The following PCDHA1 variants were observed in gnomAD, a reference collection of about 807,000 sequenced individuals.
PCDHA1 encodes protocadherin alpha 1.
A neutral mutation model predicts 61.3 loss-of-function variants in PCDHA1; 42 were observed. The ratio of observed to expected loss-of-function variants is 0.69; its 90% CI spans 0.54 to 0.89. The LOEUF is 0.89. Among genes scored for constraint, PCDHA1 ranks in the 40% least tolerant of loss-of-function variants. The probability of loss-of-function intolerance (pLI) is 0.00; values close to 1 mark genes in which losing one functional copy is unlikely to be tolerated. For missense variants in PCDHA1, 1,256 were observed against 1,235.3 expected (o/e 1.02, Z -0.25); for synonymous variants, 610 against 553.8 (o/e 1.10, Z -1.43).
At position 141,010,922 on chromosome 5, in the gene PCDHA1, A is replaced by G. The variant is rs1263879494; in HGVS notation, c.*985A>G. The G allele has an allele frequency of 5.2e-5, 8 of 153,814 alleles. No homozygotes were observed. Among genetic ancestry groups the G allele is most frequent in the African/African-American group, 1.9e-4 (8 of 41,474 alleles). The allele number at this position is 153,814 out of a possible 1,614,324, so 9.5% of individuals were successfully genotyped here. A position where few individuals can be genotyped will look rare whatever the true frequency, so the allele number is the denominator to read the frequency against. ...TTCCCCTAAACTCTCCTCAAAAGAG[A>G]ATTCAGTCTACAGCCATTTAAATGA... On this transcript the variant is annotated 3_prime_UTR_variant, in exon 4 of 4. Transcript: ENST00000504120.
chr5:140,950,278 G>A (rs2094467824), intron 1 of PCDHA1, among the ~76,000 whole-genome samples: 1 of 151,868 alleles, frequency 6.6e-6, no homozygotes, highest in African/African-American at 2.4e-5. Context: ...ATGTCTTTTT[G>A]CTTCAACCTG....
intron 1 of PCDHA1, chr5:140,848,644 A>C: frequency 6.3e-7 from 1 of 1,593,184 alleles, no homozygotes; most frequent in Non-Finnish European, 8.6e-7. Flanking sequence ...CGCATCGCGC[A>C]GGACCTGGGG....
chr5:140,873,878 C>T (rs926010571), intron 1 of PCDHA1, among the ~76,000 whole-genome samples: 2 of 152,196 alleles, frequency 1.3e-5, no homozygotes, highest in African/African-American at 4.8e-5. Context: ...CCAGGCTGGT[C>T]TTGAACTCCT....
intron 1 of PCDHA1, among the ~76,000 whole-genome samples, chr5:140,827,069 GC>G (rs1769168909): frequency 6.6e-6 from 1 of 152,160 alleles, no homozygotes; most frequent in Non-Finnish European, 1.5e-5. Context: ...CTCATGCCTT[GC>G]TATTTAACAA....
chr5:140,803,158 A>G, intron 1 of PCDHA1: 2 of 1,613,890 alleles, frequency 1.2e-6, no homozygotes, highest in South Asian at 1.1e-5. Context: ...GTGAAGGACC[A>G]CGGTGAACCC....
chr5:141,005,701 C>CAAAAAAA (rs59860837), intron 3 of PCDHA1, among the ~76,000 whole-genome samples: 5 of 7,784 alleles, frequency 6.4e-4, no homozygotes, highest in African/African-American at 9.3e-4. Context: ...AACTCCGTCT[C>CAAAAAAA]AAAAAAAAAA....
At chr5:140,882,210 C>G in intron 1 of PCDHA1, 3 of 1,533,604 alleles carry the variant, frequency 2.0e-6, no homozygotes, top group Admixed American at 2.1e-5. Flanking sequence ...CCTTGAGAGA[C>G]AGTTTGAGGT....
chr5:140,986,401 C>T (rs782437347), intron 3 of PCDHA1, among the ~76,000 whole-genome samples: 1 of 152,172 alleles, frequency 6.6e-6, no homozygotes. Context: ...GCCAGTCGCT[C>T]ATGTTACAGC....
At chr5:140,927,153 C>T in intron 1 of PCDHA1, 1 of 1,614,190 alleles carries the variant, frequency 6.2e-7, no homozygotes, top group Non-Finnish European at 8.5e-7. Context: ...AACAGCTGTG[C>T]AGGGCCAAAG....
At chr5:140,822,742 GA>G in intron 1 of PCDHA1, 1 of 1,613,740 alleles carries the variant, frequency 6.2e-7, no homozygotes, top group African/African-American at 1.3e-5. Flanking sequence ...TGATGCCATG[GA>G]TAAAAGTACA....
At chr5:140,906,041 A>T (rs1257569280) in intron 1 of PCDHA1, among the ~76,000 whole-genome samples, 1 of 152,128 alleles carries the variant, frequency 6.6e-6, no homozygotes, top group Non-Finnish European at 1.5e-5. Context: ...GTCTGCTTTT[A>T]TTCTGGCTGC....
chr5:140,834,292 C>T, intron 1 of PCDHA1: 4 of 1,207,488 alleles, frequency 3.3e-6, no homozygotes, highest in Non-Finnish European at 3.5e-6. Flanking sequence ...ACAACAATGG[C>T]CACACATCGA....
intron 1 of PCDHA1, among the ~76,000 whole-genome samples, chr5:140,818,242 A>G (rs1413023462): frequency 2.0e-5 from 3 of 152,016 alleles, no homozygotes; most frequent in Non-Finnish European, 4.4e-5. Context: ...TTTATGTGCC[A>G]TTTCTGTTTT....
chr5:140,868,379 T>C (rs1554161939), intron 1 of PCDHA1: 1 of 152,086 alleles, frequency 6.6e-6, no homozygotes, highest in Non-Finnish European at 1.5e-5. Context: ...CAGTAAAGAA[T>C]GAGAACTATA....
At chr5:140,874,386 G>A (rs2054873500) in intron 1 of PCDHA1, among the ~76,000 whole-genome samples, 1 of 152,082 alleles carries the variant, frequency 6.6e-6, no homozygotes. Context: ...GTCTTTTGAT[G>A]CCCCCTTGCA....
At chr5:140,858,112 G>A (rs943720366) in intron 1 of PCDHA1, 27 of 1,597,680 alleles carry the variant, frequency 1.7e-5, no homozygotes, top group Non-Finnish European at 2.3e-5. Context: ...TGGCGCCCGA[G>A]GTGGCCCTGG....
chr5:141,008,597 C>T (rs1485271666), intron 3 of PCDHA1, among the ~76,000 whole-genome samples: 1 of 152,224 alleles, frequency 6.6e-6, no homozygotes, highest in East Asian at 1.9e-4. Flanking sequence ...GATTTCACCT[C>T]CTCTGGAACC....
At chr5:140,797,997 C>T (rs1762286375) in intron 1 of PCDHA1, among the ~76,000 whole-genome samples, 1 of 152,194 alleles carries the variant, frequency 6.6e-6, no homozygotes, top group African/African-American at 2.4e-5. Flanking sequence ...GGATTACAGG[C>T]GCCCACCACC....
rs2150261157 is a variant in PCDHA1, at chr5:140,836,447, C to T, written c.2394+47763C>T. On this transcript the variant is annotated intron_variant, in intron 1 of 3. Transcript: ENST00000504120. ...CGCGGGCATCGTTGGGCATTGCAGG[C>T]CCAGAGACCGAGCTGGTGGATGTCA... is the stretch of plus-strand genomic sequence containing the variant. 26 of 1,613,828 alleles carry T rather than the reference C, an allele frequency of 1.6e-5. No individual in the cohort carries two copies. In the African/African-American group the frequency reaches 3.1e-4, roughly 19 times the overall value.
Sources: gnomAD v4.1 joint callset for allele counts (sites outside exome capture counted in the v4.1 genomes callset) on GRCh38, gnomAD v4.1.1 for gene constraint, MANE v1.5 for transcripts, NCBI Gene and HGNC (gene_info 2026-07-23, HGNC 2026-07-21) for gene names.